Variants in CZIB observed in about 807,000 individuals in gnomAD.
CZIB encodes CXXC motif containing zinc binding protein, also known as UPF0587 protein C1orf123.
A neutral mutation model predicts 28.3 loss-of-function variants in CZIB; 26 were observed. The observed-to-expected ratio is 0.92, with a 90% CI of 0.67 to 1.27. The LOEUF (loss-of-function observed/expected upper bound fraction) is 1.27, where lower values mean the gene tolerates loss of function less well. Among genes scored for constraint, CZIB ranks in the 50% most tolerant of loss-of-function variants. The pLI, the probability that CZIB is intolerant of heterozygous loss-of-function variation, is 0.00. For synonymous variants in CZIB, 78 were observed against 71.1 expected, an observed-to-expected ratio of 1.10 and a Z score of -0.49; for missense variants, 179 against 197.3, an observed-to-expected ratio of 0.91 and a Z score of 0.56.
chr1:53,219,003 G>A, intron 2 of CZIB, 80 bp from the exon 3 acceptor site: 1 of 1,257,276 alleles, frequency 8.0e-7, no homozygotes, highest in Non-Finnish European at 1.2e-6. Context: ...AGTGGGAGGT[G>A]GGCAGGCTCA....
chr1:53,220,273 C>T lies in CZIB; in HGVS notation c.78G>A (p.Arg26=). 6.2e-7 allele frequency: 1 copy of T among 1,613,486 alleles called. No homozygotes were observed. Among genetic ancestry groups the T allele is most frequent in the South Asian group, 1.1e-5 (1 of 91,082 alleles). Residue 26 remains arginine, a synonymous_variant, in exon 2 of 8, where the codon CGG becomes CGA. Coordinates refer to ENST00000294360, the MANE Select transcript of CZIB (RefSeq NM_017887.3). The part of the protein sequence containing the change: ...TNLRPVGEDF[R]WYLKMKCGNC... ...GCCCCGGCCGCACCTTCAGGTACCA[C>T]CGGAAGTCCTCGCCCACGGGCCGGA...
chr1:53,218,989 G>C, intron 2 of CZIB, 66 bp from the exon 3 acceptor site: 1 of 1,395,794 alleles, frequency 7.2e-7, no homozygotes, highest in Non-Finnish European at 1.0e-6. Flanking sequence ...GAAAGGGTAA[G>C]AACAGTGGGA....
chr1:53,219,152 C>T (rs1317492526), intron 2 of CZIB: 3 of 545,334 alleles, frequency 5.5e-6, no homozygotes, highest in Non-Finnish European at 9.8e-6. Context: ...ATGAAGTGCT[C>T]AGTGTGGCCG....
Position 53,214,588 on chromosome 1 carries a change from T to A in CZIB, c.*71A>T. The A allele has an allele frequency of 7.3e-7, 1 of 1,362,532 alleles. No individual in the cohort carries two copies. Among genetic ancestry groups the A allele is most frequent in the Non-Finnish European group, 1.0e-6 (1 of 958,696 alleles). 84.4% of individuals were successfully genotyped at this position (1,362,532 alleles called of 1,614,324 possible). ...GAGACAAGGGTCAAAGGAACGAGCC[T>A]CTGTGGGCTCTGCTGCTTAGAGTAC... On this transcript the variant is annotated 3_prime_UTR_variant, in exon 8 of 8. Coordinates refer to ENST00000294360, the MANE Select transcript of CZIB (RefSeq NM_017887.3).
Position 53,218,730 on chromosome 1 carries a change from G to T in CZIB, c.147+137C>A, listed in dbSNP as rs533734605. ...TATTGAATCCAGTGCTGATCACACT[G>T]ACACCTACCCTCCCAAACCACAAAA... On this transcript the variant is annotated intron_variant, in intron 3 of 7. Coordinates refer to ENST00000294360, the MANE Select transcript of CZIB (RefSeq NM_017887.3). 3.2e-5 allele frequency: 30 copies of T among 924,380 alleles called. No individual in the cohort carries two copies. The African/African-American group carries it at 3.8e-4, about 12-fold the overall frequency. The allele number at this position is 924,380 out of a possible 1,614,324, so 57.3% of individuals were successfully genotyped here.
intron 3 of CZIB, 163 bp downstream of exon 3, chr1:53,218,704 C>T: frequency 2.5e-6 from 2 of 794,086 alleles, no homozygotes; most frequent in Non-Finnish European, 4.1e-6. Flanking sequence ...TCAAAGATGC[C>T]TATTGAATCC....
chr1:53,216,949 C>A, intron 5 of CZIB, 90 bp from the exon 6 acceptor site: 1 of 1,146,224 alleles, frequency 8.7e-7, no homozygotes, highest in Non-Finnish European at 1.3e-6. Context: ...TGGGCACTTA[C>A]TGCCCCTGGA....
At chr1:53,218,266 C>A in intron 4 of CZIB, 63 bp from the exon 5 acceptor site, 1 of 1,594,520 alleles carries the variant, frequency 6.3e-7, no homozygotes. Context: ...GCCAGGTGCC[C>A]ACATGTGGCC....
At position 53,216,884 on chromosome 1, in the gene CZIB, G is replaced by A. The variant is rs758651261; in HGVS notation, c.262-25C>T. 3.1e-6 allele frequency: 5 copies of A among 1,601,738 alleles called. No individual in the cohort carries two copies. In the South Asian group the frequency reaches 5.5e-5, roughly 18 times the overall value. ...CCTAGAAAGGAAGTGTGTTGAGGAG[G>A]CAGGCCCAAATGAGCTCTCAGGATG... On this transcript the variant is annotated intron_variant, in intron 5 of 7. Transcript: ENST00000294360.
At chr1:53,218,834 G>GT in intron 3 of CZIB, 33 bp downstream of exon 3, 1 of 1,582,960 alleles carries the variant, frequency 6.3e-7, no homozygotes, top group Non-Finnish European at 8.7e-7. Context: ...GTTTGTGAGT[G>GT]TTTATGTTGG....
Position 53,214,721 on chromosome 1 carries a change from C to T in CZIB, c.421G>A (p.Asp141Asn), listed in dbSNP as rs1572388619. 6.2e-7 allele frequency: 1 copy of T among 1,614,032 alleles called. No homozygotes were observed. Among genetic ancestry groups the T allele is most frequent in the South Asian group, 1.1e-5 (1 of 91,084 alleles). Residue 141 changes from aspartate to asparagine, a missense_variant, in exon 8 of 8, where the codon GAT becomes AAT. By Grantham distance (23) the Asp-to-Asn change is conservative. Transcript: ENST00000294360. Reference sequence around the variant, plus strand: ...CCCACAGACTCCTGGGCCTTTTCATCATAGTCAGTCCAGTCCTGGGAAACA... The same window carrying T: ...CCCACAGACTCCTGGGCCTTTTCATTATAGTCAGTCCAGTCCTGGGAAACA... ...NLQEKDWTDYDEKAQESVGIY... is the reference protein window; with the variant it reads ...NLQEKDWTDYNEKAQESVGIY...
intron 3 of CZIB, 167 bp from the exon 4 acceptor site, chr1:53,218,662 C>A: frequency 1.2e-6 from 1 of 820,098 alleles, no homozygotes; most frequent in Non-Finnish European, 1.9e-6. Context: ...AAAAAAAGGG[C>A]TTCCCCTTGA....
intron 5 of CZIB, 196 bp downstream of exon 5, chr1:53,217,976 A>G (rs992938849): frequency 4.8e-6 from 3 of 626,540 alleles, no homozygotes; most frequent in Non-Finnish European, 8.4e-6. Flanking sequence ...AGCCCTCATA[A>G]GAAGGCACTG....
At chr1:53,215,244 G>A (rs999217186) in intron 7 of CZIB, among the ~76,000 whole-genome samples, 5 of 152,324 alleles carry the variant, frequency 3.3e-5, no homozygotes, top group Admixed American at 2.6e-4. Flanking sequence ...GGAGGCTGAG[G>A]TAGGAGGATC....
At chr1:53,218,376 C>T (rs1337130956) in intron 4 of CZIB, 38 bp downstream of exon 4, 1 of 1,608,690 alleles carries the variant, frequency 6.2e-7, no homozygotes, top group Admixed American at 1.7e-5. Context: ...AAGCTGTGGG[C>T]CACCCTGGCA....
At chr1:53,215,512 A>G (rs1312035514) in intron 7 of CZIB, among the ~76,000 whole-genome samples, 1 of 152,214 alleles carries the variant, frequency 6.6e-6, no homozygotes, top group Non-Finnish European at 1.5e-5. Flanking sequence ...TAATATGTCC[A>G]GTAATACAGA....
Position 53,220,630 on chromosome 1 carries a change from G to C in CZIB, c.-55C>G. On this transcript the variant is annotated 5_prime_UTR_variant, in exon 1 of 8. Transcript: ENST00000294360. The stretch of plus-strand genomic sequence containing the variant: ...GGCCCTTGCCGTTGCTTTCCGGCGC[G>C]TCGTAAAAGGCGGGTGCCGTCTGCG... The C allele has an allele frequency of 6.3e-7, 1 of 1,587,222 alleles. No individual in the cohort carries two copies. The highest frequency in any genetic ancestry group is 8.5e-7 in the Non-Finnish European group (1 of 1,173,926).
rs1645451356 is a variant in CZIB, at chr1:53,214,147, C to T, written c.*512G>A. 3 of 164,282 alleles carry T rather than the reference C, an allele frequency of 1.8e-5. No individual in the cohort carries two copies. The South Asian group carries it at 4.8e-4, about 26-fold the overall frequency. 10.2% of individuals were successfully genotyped at this position (164,282 alleles called of 1,614,324 possible). ...CAGGAGGAAAGGTTTGGAAAACTAACTCAGGTGTATTTATTGTTTAAGCAG... is the reference window on the plus strand; with the variant it reads ...CAGGAGGAAAGGTTTGGAAAACTAATTCAGGTGTATTTATTGTTTAAGCAG... On this transcript the variant is annotated 3_prime_UTR_variant, in exon 8 of 8. Coordinates refer to ENST00000294360, the MANE Select transcript of CZIB (RefSeq NM_017887.3).
In CZIB at chr1:53,216,095, A is replaced by G. The variant is rs374927409; in HGVS notation, c.340-39T>C. 198 of 1,607,952 alleles carry G rather than the reference A, an allele frequency of 1.2e-4. No individual in the cohort carries two copies. In the Middle Eastern group the frequency reaches 1.3e-3, roughly 11 times the overall value. ...GAAGGTACCAGTTAGTCTTGGCAAA[A>G]GAAGGCATTGGGCTATAAGTAAGGG... On this transcript the variant is annotated intron_variant, in intron 6 of 7. Coordinates refer to ENST00000294360, the MANE Select transcript of CZIB (RefSeq NM_017887.3).
Sources: allele counts gnomAD v4.1 joint callset (sites outside exome capture counted in the v4.1 genomes callset), GRCh38; gene constraint gnomAD v4.1.1; transcripts MANE v1.5; gene names NCBI Gene and HGNC (gene_info 2026-07-23, HGNC 2026-07-21).